The following LMBR1 variants were observed in gnomAD, a reference collection of about 807,000 sequenced individuals.
LMBR1 encodes the protein limb region 1 protein homolog.
In LMBR1, 52 loss-of-function variants were observed where a neutral mutation model predicts 73.9. The observed-to-expected ratio is 0.70, with a 90% CI of 0.56 to 0.89. LMBR1 has a LOEUF of 0.89. Among genes scored for constraint, LMBR1 ranks in the 40% least tolerant of loss-of-function variants. LMBR1 has a pLI of 0.00. For missense variants in LMBR1, 539 were observed against 579.8 expected (o/e 0.93, Z 0.72); for synonymous variants, 215 against 209.4 (o/e 1.03, Z -0.23).
chr7:156,865,152 T>TA (rs1378892451), intron 1 of LMBR1, among the ~76,000 whole-genome samples: 3 of 151,396 alleles, frequency 2.0e-5, no homozygotes, highest in African/African-American at 7.3e-5. Flanking sequence ...ACAAAAAATA[T>TA]AAAAATTAGC....
intron 9 of LMBR1, among the ~76,000 whole-genome samples, chr7:156,736,088 T>C (rs1191585300): frequency 6.6e-6 from 1 of 152,156 alleles, no homozygotes; most frequent in Non-Finnish European, 1.5e-5. Context: ...TGTATGTCAC[T>C]ATGAGGAAGA....
At chr7:156,885,198 C>G (rs1214849465) in intron 1 of LMBR1, among the ~76,000 whole-genome samples, 1 of 151,946 alleles carries the variant, frequency 6.6e-6, no homozygotes, top group Non-Finnish European at 1.5e-5. Flanking sequence ...ACTAAAAATA[C>G]AAAAATTAGC....
At position 156,681,742 on chromosome 7, in the gene LMBR1, G is replaced by A. The variant is rs976037528; in HGVS notation, c.*2336C>T. On this transcript the variant is annotated 3_prime_UTR_variant, in exon 17 of 17. Coordinates refer to ENST00000353442, the MANE Select transcript of LMBR1 (RefSeq NM_022458.4). ...ATTGACCTGATGATGAGCATCTGCA[G>A]CTCTGCCTTCCAGGGTCTATCTCCT... The A allele has an allele frequency of 1.3e-5, 2 of 152,346 alleles. No individual in the cohort carries two copies. The highest frequency in any genetic ancestry group is 4.8e-5 in the African/African-American group (2 of 41,474). The allele number at this position is 152,346 out of a possible 1,614,324, so 9.4% of individuals were successfully genotyped here. A position where few individuals can be genotyped will look rare whatever the true frequency, so the allele number is the denominator to read the frequency against.
chr7:156,888,336 G>T (rs577939431), intron 1 of LMBR1, among the ~76,000 whole-genome samples: 1 of 151,770 alleles, frequency 6.6e-6, no homozygotes, highest in Non-Finnish European at 1.5e-5. Context: ...CATGAACCGG[G>T]GGGGCGGAGC....
intron 5 of LMBR1, among the ~76,000 whole-genome samples, chr7:156,778,432 A>G (rs992704151): frequency 6.6e-6 from 1 of 152,182 alleles, no homozygotes; most frequent in Non-Finnish European, 1.5e-5. Context: ...CCCTTTTGTT[A>G]ATTTTATTTT....
intron 10 of LMBR1, among the ~76,000 whole-genome samples, chr7:156,732,995 A>C (rs1419968946): frequency 2.6e-5 from 4 of 152,096 alleles, no homozygotes; most frequent in Non-Finnish European, 4.4e-5. Flanking sequence ...AACACAAAAA[A>C]TTAGCAAGCT....
At chr7:156,721,941 A>C (rs1042681800) in intron 15 of LMBR1, among the ~76,000 whole-genome samples, 3 of 152,160 alleles carry the variant, frequency 2.0e-5, no homozygotes, top group Admixed American at 1.3e-4. Context: ...CGATGCATCA[A>C]CAATAATAGT....
chr7:156,775,830 A>G (rs2133116266), intron 5 of LMBR1, among the ~76,000 whole-genome samples: 1 of 152,096 alleles, frequency 6.6e-6, no homozygotes, highest in Admixed American at 6.5e-5. Flanking sequence ...CTTTTAAAAA[A>G]TAGATCTGAT....
chr7:156,691,927 TAATG>T (rs1410847728), intron 15 of LMBR1, among the ~76,000 whole-genome samples: 1 of 152,186 alleles, frequency 6.6e-6, no homozygotes, highest in African/African-American at 2.4e-5. Context: ...GAGTATGAAA[TAATG>T]AAATCTACAG....
At chr7:156,867,669 A>G (rs1189303528) in intron 1 of LMBR1, among the ~76,000 whole-genome samples, 1 of 152,270 alleles carries the variant, frequency 6.6e-6, no homozygotes, top group African/African-American at 2.4e-5. Flanking sequence ...AATAGTACAT[A>G]TTACATGAAT....
At chr7:156,753,894 G>T (rs1821363602) in intron 9 of LMBR1, among the ~76,000 whole-genome samples, 1 of 152,116 alleles carries the variant, frequency 6.6e-6, no homozygotes, top group South Asian at 2.1e-4. Context: ...CAGAAACACA[G>T]AACTCCTTCC....
chr7:156,708,273 C>T (rs1434161241), intron 15 of LMBR1, among the ~76,000 whole-genome samples: 2 of 152,212 alleles, frequency 1.3e-5, no homozygotes, highest in Non-Finnish European at 2.9e-5. Flanking sequence ...AAAGAAGCAG[C>T]ATATCATTGC....
At chr7:156,776,167 A>T (rs142305848) in intron 5 of LMBR1, among the ~76,000 whole-genome samples, 1 of 151,398 alleles carries the variant, frequency 6.6e-6, no homozygotes, top group African/African-American at 2.4e-5. Flanking sequence ...TAGTAAACAC[A>T]ATGTAATGGT....
intron 5 of LMBR1, among the ~76,000 whole-genome samples, chr7:156,775,971 T>C (rs2133118153): frequency 6.6e-6 from 1 of 151,692 alleles, no homozygotes; most frequent in East Asian, 1.9e-4. Flanking sequence ...CTCAGTTTCC[T>C]CCCATGTGAA....
intron 5 of LMBR1, among the ~76,000 whole-genome samples, chr7:156,787,004 T>C (rs1022463370): frequency 1.1e-4 from 17 of 152,166 alleles, no homozygotes; most frequent in Admixed American, 9.2e-4. Context: ...CAGGTATCTA[T>C]AGTAATATTA....
At chr7:156,695,220 G>T (rs990029026) in intron 15 of LMBR1, among the ~76,000 whole-genome samples, 3 of 152,142 alleles carry the variant, frequency 2.0e-5, no homozygotes, top group African/African-American at 7.2e-5. Flanking sequence ...TAGGCAGGAG[G>T]ATCACTTGAC....
chr7:156,858,437 T>A (rs1160929897), intron 1 of LMBR1, among the ~76,000 whole-genome samples: 2 of 152,200 alleles, frequency 1.3e-5, no homozygotes, highest in Non-Finnish European at 1.5e-5. Flanking sequence ...ACAATTATCT[T>A]CCAAGCACCA....
intron 1 of LMBR1, among the ~76,000 whole-genome samples, chr7:156,887,631 C>A (rs1802151961): frequency 6.6e-6 from 1 of 151,700 alleles, no homozygotes; most frequent in Non-Finnish European, 1.5e-5. Context: ...GGATATGACA[C>A]AAAAAAACAC....
At chr7:156,886,047 GAAA>G (rs59110740) in intron 1 of LMBR1, among the ~76,000 whole-genome samples, 7 of 115,714 alleles carry the variant, frequency 6.0e-5, no homozygotes, top group Admixed American at 1.7e-4. Context: ...CTCAAAAAAA[GAAA>G]AAAAAAAAAA....
Sources: gnomAD v4.1 joint callset for allele counts (sites outside exome capture counted in the v4.1 genomes callset) on GRCh38, gnomAD v4.1.1 for gene constraint, MANE v1.5 for transcripts, NCBI Gene and HGNC (gene_info 2026-07-23, HGNC 2026-07-21) for gene names.